The following STAB1 variants were observed in gnomAD, a reference collection of about 807,000 sequenced individuals.
The protein encoded by STAB1 is stabilin 1.
Under a neutral mutation model 332.4 loss-of-function variants are expected in STAB1, and 250 were observed. The ratio of observed to expected loss-of-function variants is 0.75; its 90% CI spans 0.68 to 0.84. STAB1 has a LOEUF of 0.84. STAB1 is among the 40% of genes least tolerant of loss of function. STAB1 has a pLI of 0.00. For synonymous variants in STAB1, 1,475 were observed against 1,390.4 expected, an observed-to-expected ratio of 1.06 and a Z score of -1.35; for missense variants, 3,249 against 3,489.7, an observed-to-expected ratio of 0.93 and a Z score of 1.74.
At chr3:52,509,061 G>A (rs1189460488) in intron 21 of STAB1, 149 bp from the exon 22 acceptor site, 11 of 679,046 alleles carry the variant, frequency 1.6e-5, no homozygotes, top group East Asian at 8.7e-5. Context: ...GGTCTTTGGC[G>A]GCATCAGTGA....
chr3:52,519,812 C>T (rs1295487259), intron 50 of STAB1, 132 bp from the exon 51 acceptor site: 3 of 1,258,480 alleles, frequency 2.4e-6, no homozygotes, highest in Admixed American at 2.5e-5. Context: ...CACACACATG[C>T]CTGCCTGGGA....
chr3:52,514,027 G>A (rs780372548), intron 32 of STAB1, 46 bp downstream of exon 32: 7 of 1,594,268 alleles, frequency 4.4e-6, no homozygotes, highest in Admixed American at 1.7e-5. Flanking sequence ...GGGGGACACT[G>A]TGCCCCAGGT....
At chr3:52,514,058 C>T in intron 32 of STAB1, 57 bp from the exon 33 acceptor site, 1 of 1,600,060 alleles carries the variant, frequency 6.2e-7, no homozygotes, top group Non-Finnish European at 8.5e-7. Context: ...CTGGCTGGCT[C>T]CCAGTGTCAG....
chr3:52,501,222 C>G lies in STAB1; in HGVS notation c.135C>G (p.Thr45=). The change falls in exon 2 of 69, where the codon ACC becomes ACG. Residue 45 remains threonine, a synonymous_variant. Coordinates refer to ENST00000321725, the MANE Select transcript of STAB1 (RefSeq NM_015136.3). ...KTTFVTHVPC[T]SCAAIKKQTC... ...CGTTTGTCACTCATGTACCCTGCAC[C>G]TCGTGCGCGGCCATCAAGAAGCAGA... The G allele has an allele frequency of 1.2e-6, 2 of 1,613,800 alleles. No individual in the cohort carries two copies. Among genetic ancestry groups the G allele is most frequent in the Non-Finnish European group, 1.7e-6 (2 of 1,180,026 alleles).
chr3:52,510,562 G>GC, intron 25 of STAB1, 55 bp downstream of exon 25: 4 of 1,567,780 alleles, frequency 2.6e-6, no homozygotes, highest in Non-Finnish European at 3.5e-6. Flanking sequence ...CTCTCTCCCT[G>GC]CCCCATCTGA....
chr3:52,520,345 G>A, intron 52 of STAB1, 55 bp downstream of exon 52: 1 of 1,612,866 alleles, frequency 6.2e-7, no homozygotes, highest in East Asian at 2.2e-5. Context: ...GGCCCTGGCA[G>A]TAGCAGCTGG....
chr3:52,502,837 G>A, intron 6 of STAB1, 110 bp downstream of exon 6: 1 of 1,315,814 alleles, frequency 7.6e-7, no homozygotes, highest in East Asian at 2.5e-5. Context: ...TCCGCCTGGA[G>A]CCTAGTTGGG....
At chr3:52,515,142 G>A in intron 36 of STAB1, 97 bp downstream of exon 36, 1 of 1,469,612 alleles carries the variant, frequency 6.8e-7, no homozygotes, top group South Asian at 1.3e-5. Flanking sequence ...GTTTTGCTTG[G>A]CCCAGGCATC....
chr3:52,510,108 G>A, intron 23 of STAB1, 34 bp from the exon 24 acceptor site: 1 of 1,613,760 alleles, frequency 6.2e-7, no homozygotes, highest in South Asian at 1.1e-5. Flanking sequence ...CATACCTGAG[G>A]CTCACTGGAG....
intron 42 of STAB1, 56 bp from the exon 43 acceptor site, chr3:52,517,264 C>T: frequency 6.6e-7 from 1 of 1,507,574 alleles, no homozygotes; most frequent in South Asian, 1.3e-5. Context: ...GTACAAAGGA[C>T]AGAGGAAGGG....
chr3:52,515,794 G>T (rs1360695335), intron 37 of STAB1, among the ~76,000 whole-genome samples: 1 of 152,154 alleles, frequency 6.6e-6, no homozygotes, highest in Admixed American at 6.5e-5. Context: ...ACTTGGCCTG[G>T]CTTGGCCCCT....
At chr3:52,498,063 G>A (rs1444404584) in intron 1 of STAB1, among the ~76,000 whole-genome samples, 1 of 152,198 alleles carries the variant, frequency 6.6e-6, no homozygotes, top group Non-Finnish European at 1.5e-5. Context: ...CAAAGGTAGG[G>A]GGAAGCAGTT....
intron 26 of STAB1, among the ~76,000 whole-genome samples, chr3:52,511,984 A>C (rs532785343): frequency 1.3e-5 from 2 of 151,556 alleles, no homozygotes; most frequent in Non-Finnish European, 2.9e-5. Context: ...TGAGCTCCTC[A>C]CCATCCCCTG....
chr3:52,519,059 C>T (rs962786156), intron 48 of STAB1, among the ~76,000 whole-genome samples, 190 bp downstream of exon 48: 1 of 151,984 alleles, frequency 6.6e-6, no homozygotes, highest in Non-Finnish European at 1.5e-5. Context: ...CCTGTCCTGC[C>T]CAGCGCCCTT....
intron 14 of STAB1, 71 bp from the exon 15 acceptor site, chr3:52,505,597 C>T (rs1708792573): frequency 3.4e-6 from 5 of 1,481,338 alleles, no homozygotes; most frequent in Middle Eastern, 2.2e-4. Context: ...CCAAAGGTGG[C>T]AGGGCCCAGG....
rs367932070 is a variant in STAB1, at chr3:52,504,088, C to T, written c.1083C>T (p.His361=). 37 of 1,587,994 alleles carry T rather than the reference C, an allele frequency of 2.3e-5. No homozygotes were observed. The highest frequency in any genetic ancestry group is 1.7e-4 in the Middle Eastern group (1 of 5,976). Residue 361 remains histidine, a synonymous_variant, in exon 10 of 69, where the codon CAC becomes CAT. Coordinates refer to ENST00000321725, the MANE Select transcript of STAB1 (RefSeq NM_015136.3). ...GTGCCTGCTACGGACACCTGCTCCA[C>T]GAGGTGCAGAAGGCCACGCAGACAG... is the stretch of plus-strand genomic sequence containing the variant. ...DGRACYGHLL[H]EVQKATQTGR...
intron 1 of STAB1, among the ~76,000 whole-genome samples, chr3:52,498,931 T>G (rs988031791): frequency 2.6e-5 from 4 of 152,244 alleles, no homozygotes; most frequent in Non-Finnish European, 5.9e-5. Context: ...CTTCCCTGTT[T>G]GCAGACCGCA....
chr3:52,503,946 C>T (rs762901138), intron 9 of STAB1, 44 bp downstream of exon 9: 8 of 1,601,684 alleles, frequency 5.0e-6, no homozygotes, highest in Non-Finnish European at 6.0e-6. Flanking sequence ...GTTGGGCAAG[C>T]GTGCCCTCTG....
intron 55 of STAB1, 32 bp from the exon 56 acceptor site, chr3:52,521,329 G>GCCCCACCTCACTTCTCCTAC: frequency 6.2e-7 from 1 of 1,612,752 alleles, no homozygotes; most frequent in Middle Eastern, 1.7e-4. Flanking sequence ...AGAGCCCCTG[G>GCCCCACCTCACTTCTCCTAC]CCCCACCTCA....
Sources: allele counts gnomAD v4.1 joint callset (sites outside exome capture counted in the v4.1 genomes callset), GRCh38; gene constraint gnomAD v4.1.1; transcripts MANE v1.5; gene names NCBI Gene and HGNC (gene_info 2026-07-23, HGNC 2026-07-21).